The following BTN3A3 variants were observed in gnomAD, a reference collection of about 807,000 sequenced individuals.
The protein encoded by BTN3A3 is butyrophilin subfamily 3 member A3, also known as butyrophilin 3.
BTN3A3 carries 39 observed loss-of-function variants against 43.2 expected under a neutral mutation model. The observed-to-expected ratio is 0.90, with a 90% CI of 0.70 to 1.18. The LOEUF (loss-of-function observed/expected upper bound fraction) is 1.18. BTN3A3 is among the 50% of genes most tolerant of loss of function. BTN3A3 has a pLI of 0.00. For missense variants in BTN3A3, 631 were observed against 722.8 expected (o/e 0.87, Z 1.46); for synonymous variants, 255 against 272.7 (o/e 0.93, Z 0.64).
At position 26,445,685 on chromosome 6, in the gene BTN3A3, G is replaced by A; in HGVS notation, c.434-19G>A. ...ATACAGGAGCTCTCAAGAATTTAGGGCAATTTATCCTTCTACAGCATTGGG... is the reference window on the plus strand; with the variant it reads ...ATACAGGAGCTCTCAAGAATTTAGGACAATTTATCCTTCTACAGCATTGGG... On this transcript the variant is annotated intron_variant, in intron 4 of 10. Transcript: ENST00000244519. 1 of 1,606,596 alleles carries A rather than the reference G, an allele frequency of 6.2e-7. No individual in the cohort carries two copies.
At chr6:26,450,983 C>T (rs865857374) in intron 10 of BTN3A3, among the ~76,000 whole-genome samples, 2 of 152,178 alleles carry the variant, frequency 1.3e-5, no homozygotes, top group South Asian at 2.1e-4. Flanking sequence ...CCAAACCCAA[C>T]AGCAAACCAG....
chr6:26,442,453 A>G (rs971868829), intron 1 of BTN3A3, among the ~76,000 whole-genome samples: 1 of 152,192 alleles, frequency 6.6e-6, no homozygotes, highest in Non-Finnish European at 1.5e-5. Context: ...TACATCTATA[A>G]ATATGCAGAA....
chr6:26,440,772 CTGTGTG>C (rs55866097), intron 1 of BTN3A3, 124 bp downstream of exon 1: 17,776 of 147,666 alleles, frequency 0.12, 1,089 homozygotes, highest in Middle Eastern at 0.16. Context: ...TGCAGTGCCT[CTGTGTG>C]TGTGTGTGTG....
chr6:26,444,734 A>C, intron 4 of BTN3A3: 1 of 289,358 alleles, frequency 3.5e-6, no homozygotes, highest in South Asian at 4.0e-5. Context: ...ACTCCCAGAA[A>C]CATTTTTGTA....
At chr6:26,447,108 T>C (rs536100876) in intron 5 of BTN3A3, among the ~76,000 whole-genome samples, 1 of 152,112 alleles carries the variant, frequency 6.6e-6, no homozygotes, top group East Asian at 1.9e-4. Flanking sequence ...TGAACTTCCA[T>C]ACAAGGGAAT....
chr6:26,448,393 G>A lies in BTN3A3; in HGVS notation c.861G>A (p.Glu287=). The change falls in exon 6 of 11, where the codon GAG becomes GAA. Residue 287 remains glutamate, a synonymous_variant. Transcript: ENST00000244519. The part of the protein sequence containing the change: ...KIALSRETER[E]REMKEMGYAA... The stretch of plus-strand genomic sequence containing the variant: ...CTCTGTCCAGGGAGACAGAAAGAGA[G>A]CGAGAGATGAAAGAAATGGGATACG... The A allele has an allele frequency of 6.2e-7, 1 of 1,613,950 alleles. No homozygotes were observed. Among genetic ancestry groups the A allele is most frequent in the Non-Finnish European group, 8.5e-7 (1 of 1,179,976 alleles).
chr6:26,443,588 G>A lies in BTN3A3; in HGVS notation c.14G>A (p.Ser5Asn), dbSNP rs573044866. MKMA[S>N]SLAFLLLNFH... Reference sequence around the variant, plus strand: ...TATGCAGCATAGATGAAAATGGCAAGTTCCCTGGCTTTCCTTCTGCTCAAC... The same window carrying A: ...TATGCAGCATAGATGAAAATGGCAAATTCCCTGGCTTTCCTTCTGCTCAAC... Residue 5 changes from serine to asparagine, a missense_variant, in exon 3 of 11, where the codon AGT becomes AAT. Ser to Asn is a conservative substitution (Grantham distance 46). Coordinates refer to ENST00000244519, the MANE Select transcript of BTN3A3 (RefSeq NM_006994.5). 81 of 1,614,170 alleles carry A rather than the reference G, an allele frequency of 5.0e-5. No individual in the cohort carries two copies. In the East Asian group the frequency reaches 1.6e-3, roughly 32 times the overall value.
rs997427852 is a variant in BTN3A3 at position 26,443,598 on chromosome 6, T to C, written c.24T>C (p.Ala8=). 1.9e-6 allele frequency: 3 copies of C among 1,614,106 alleles called. No individual in the cohort carries two copies. The highest frequency in any genetic ancestry group is 2.5e-6 in the Non-Finnish European group (3 of 1,180,042). MKMASSL[A]FLLLNFHVSL... ...AGATGAAAATGGCAAGTTCCCTGGC[T>C]TTCCTTCTGCTCAACTTTCATGTCT... is the stretch of plus-strand genomic sequence containing the variant. Residue 8 remains alanine (A), a synonymous_variant, in exon 3 of 11, where the codon GCT becomes GCC. Coordinates refer to ENST00000244519, the MANE Select transcript of BTN3A3 (RefSeq NM_006994.5).
intron 5 of BTN3A3, among the ~76,000 whole-genome samples, chr6:26,446,752 G>A (rs1159028709): frequency 1.3e-5 from 2 of 151,966 alleles, no homozygotes; most frequent in African/African-American, 4.8e-5. Flanking sequence ...TTTTTGAGAG[G>A]GAGTCTCACT....
rs1469197588 is a variant in BTN3A3 at position 26,451,661 on chromosome 6, C to T, written c.1019-14C>T. 2 of 1,601,444 alleles carry T rather than the reference C, an allele frequency of 1.2e-6. No homozygotes were observed. Among genetic ancestry groups the T allele is most frequent in the African/African-American group, 1.3e-5 (1 of 74,826 alleles). On this transcript the variant is annotated splice_polypyrimidine_tract_variant and intron_variant, in intron 10 of 10. Transcript: ENST00000244519. ...ATGGCTGACCCCATGGACACCTCCT[C>T]AAACTCTCTGCAGCGGATGTGATTC...
chr6:26,447,905 G>C (rs532997480), intron 5 of BTN3A3, among the ~76,000 whole-genome samples: 188 of 152,270 alleles, frequency 1.2e-3, no homozygotes, highest in African/African-American at 4.4e-3. Flanking sequence ...GGGAGTACTA[G>C]GTAGATGGGA....
Position 26,444,110 on chromosome 6 carries a change from C to A in BTN3A3, c.239C>A (p.Ala80Glu), listed in dbSNP as rs774008732. The A allele has an allele frequency of 4.3e-6, 7 of 1,613,858 alleles. 1 individual carries two copies. The South Asian group carries it at 7.7e-5, about 18-fold the overall frequency. Reference sequence around the variant, plus strand: ...CTAAGGCAGGTGGTGAACGTGTATGCAGATGGAAAGGAAGTGGAAGACAGG... The same window carrying A: ...CTAAGGCAGGTGGTGAACGTGTATGAAGATGGAAAGGAAGTGGAAGACAGG... Reference protein sequence around the residue: ...SSLRQVVNVYADGKEVEDRQS... With the variant: ...SSLRQVVNVYEDGKEVEDRQS... Residue 80 changes from alanine to glutamate, a missense_variant, in exon 4 of 11, where the codon GCA (alanine) becomes GAA (glutamate). Around this residue, in one of 2 missense-constraint regions of BTN3A3, gnomAD observed 80 missense variants for 138.7 expected, o/e 0.58. Transcript: ENST00000244519.
At position 26,452,513 on chromosome 6, in the gene BTN3A3, C is replaced by A; in HGVS notation, c.*102C>A. 9.6e-7 allele frequency: 1 copy of A among 1,037,878 alleles called. No individual in the cohort carries two copies. The highest frequency in any genetic ancestry group is 1.4e-6 in the Non-Finnish European group (1 of 734,684). The allele number at this position is 1,037,878 out of a possible 1,614,324, so 64.3% of individuals were successfully genotyped here. A position where few individuals can be genotyped will look rare whatever the true frequency, so the allele number is the denominator to read the frequency against. ...ACTGGGGTGCAGAAAGGTGAATTAA[C>A]TTTACAAAGTAGACATGACAAGTGA... On this transcript the variant is annotated 3_prime_UTR_variant, in exon 11 of 11. Transcript: ENST00000244519.
In BTN3A3 at chr6:26,452,187, A is replaced by G. The variant is rs376332419; in HGVS notation, c.1531A>G (p.Ile511Val). 6.2e-6 allele frequency: 10 copies of G among 1,613,922 alleles called. No homozygotes were observed. Among genetic ancestry groups the G allele is most frequent in the East Asian group, 4.5e-5 (2 of 44,894 alleles). Residue 511 changes from isoleucine (I) to valine (V), a missense_variant, in exon 11 of 11, where the codon ATT becomes GTT. Ile to Val is a conservative substitution (Grantham distance 29). Coordinates refer to ENST00000244519, the MANE Select transcript of BTN3A3 (RefSeq NM_006994.5). ...ILTLEPTALT[I>V]CPIPKEVESS... ...GACCTTGGAGCCCACTGCCCTGACC[A>G]TTTGCCCAATACCAAAAGAAGTAGA...
rs551526423 is a variant in BTN3A3, at chr6:26,451,761, C to T, written c.1105C>T (p.Arg369Trp). 5.4e-5 allele frequency: 87 copies of T among 1,613,902 alleles called. 1 individual carries two copies. Among genetic ancestry groups the T allele is most frequent in the Non-Finnish European group, 6.7e-5 (79 of 1,179,926 alleles). ...GAGTGTGCAGCGTGCTGAAGAGCCG[C>T]GGGATCTGCCAGACAACCCTGAGAG... ...QRSVQRAEEP[R>W]DLPDNPERFE... Residue 369 changes from arginine (R) to tryptophan (W), a missense_variant, in exon 11 of 11, where the codon CGG becomes TGG. This residue lies in a region of BTN3A3 where 551 missense variants were observed against 584.0 expected (regional missense o/e 0.94). Transcript: ENST00000244519.
At chr6:26,451,537 G>C in intron 10 of BTN3A3, 138 bp from the exon 11 acceptor site, 1 of 1,449,638 alleles carries the variant, frequency 6.9e-7, no homozygotes. Flanking sequence ...ACATTGATGA[G>C]AGAGTCATAT....
At chr6:26,444,551 T>C (rs1400226076) in intron 4 of BTN3A3, 1 of 640,536 alleles carries the variant, frequency 1.6e-6, no homozygotes, top group East Asian at 2.8e-5. Flanking sequence ...ATAAGGGAAA[T>C]GAAGGACGAC....
At chr6:26,441,468 C>T (rs550116124) in intron 1 of BTN3A3, among the ~76,000 whole-genome samples, 1 of 151,878 alleles carries the variant, frequency 6.6e-6, no homozygotes, top group Admixed American at 6.6e-5. Context: ...TTAACAACCT[C>T]AGACATAAAT....
At chr6:26,444,337 C>A (rs768867596) in intron 4 of BTN3A3, 33 bp downstream of exon 4, 7 of 1,612,004 alleles carry the variant, frequency 4.3e-6, no homozygotes, top group Non-Finnish European at 5.9e-6. Flanking sequence ...GAGAACACTT[C>A]TCTGTAGGAT....
Sources: gnomAD v4.1 joint callset for allele counts (sites outside exome capture counted in the v4.1 genomes callset) on GRCh38, gnomAD v4.1.1 for gene constraint, gnomAD v4.1.1 regional missense constraint, MANE v1.5 for transcripts, NCBI Gene and HGNC (gene_info 2026-07-23, HGNC 2026-07-21) for gene names.